GABBR2: variants seen among roughly 807,000 people sequenced by gnomAD.
GABBR2 encodes gamma-aminobutyric acid type B receptor subunit 2, also known as G-protein coupled receptor 51.
Under a neutral mutation model 105.6 loss-of-function variants are expected in GABBR2, and 23 were observed. The observed-to-expected ratio is 0.22, with a 90% CI of 0.16 to 0.31. The LOEUF (loss-of-function observed/expected upper bound fraction) is 0.31, where lower values mean the gene tolerates loss of function less well. Ranked by LOEUF, GABBR2 falls within the 10% of genes least tolerant of loss-of-function variation. The pLI is 1.00. For synonymous variants in GABBR2, 478 were observed against 499.7 expected, an observed-to-expected ratio of 0.96 and a Z score of 0.58; for missense variants, 734 against 1,245.5, an observed-to-expected ratio of 0.59 and a Z score of 6.18.
intron 3 of GABBR2, among the ~76,000 whole-genome samples, chr9:98,529,288 C>G (rs1828019749): frequency 6.6e-6 from 1 of 152,178 alleles, no homozygotes; most frequent in African/African-American, 2.4e-5. Flanking sequence ...GAGGCAAATA[C>G]AATTCAAAAC....
chr9:98,466,997 A>C (rs1240339264), intron 6 of GABBR2, among the ~76,000 whole-genome samples: 4 of 152,132 alleles, frequency 2.6e-5, no homozygotes, highest in Non-Finnish European at 5.9e-5. Flanking sequence ...TCACATCCAC[A>C]TTCCAGTCAA....
Position 98,432,175 on chromosome 9 carries a change from C to T in GABBR2, c.1236+21806G>A, listed in dbSNP as rs185635605. Among the ~76,000 whole-genome samples, 10 of 152,254 alleles carry T rather than the reference C, an allele frequency of 6.6e-5. No individual in the cohort carries two copies. The East Asian group carries it at 1.5e-3, about 24-fold the overall frequency. On this transcript the variant is annotated intron_variant, in intron 7 of 18. Coordinates refer to ENST00000259455, the MANE Select transcript of GABBR2 (RefSeq NM_005458.8). Reference sequence around the variant, plus strand: ...CCTCCCAAAGTGCTAGGATTATAGGCGTGAGTCACTGCACCCGGCTCAAGG... The same window carrying T: ...CCTCCCAAAGTGCTAGGATTATAGGTGTGAGTCACTGCACCCGGCTCAAGG...
chr9:98,535,360 C>T (rs1034758955), intron 3 of GABBR2, among the ~76,000 whole-genome samples: 2 of 151,962 alleles, frequency 1.3e-5, no homozygotes, highest in Admixed American at 1.3e-4. Context: ...CTCAGTCTCC[C>T]AGAGTGCTGG....
chr9:98,581,416 T>C (rs1396217795), intron 1 of GABBR2, among the ~76,000 whole-genome samples: 2 of 151,658 alleles, frequency 1.3e-5, no homozygotes, highest in African/African-American at 4.9e-5. Flanking sequence ...AATTTAAAAT[T>C]TTTAATTTAA....
intron 7 of GABBR2, among the ~76,000 whole-genome samples, chr9:98,428,854 C>T (rs769190303): frequency 6.6e-6 from 1 of 152,164 alleles, no homozygotes; most frequent in African/African-American, 2.4e-5. Context: ...AGAAAGCAGA[C>T]CCAGAGATGG....
intron 7 of GABBR2, among the ~76,000 whole-genome samples, chr9:98,436,347 C>CAATATA (rs1653396477): frequency 3.2e-5 from 1 of 31,618 alleles, no homozygotes; most frequent in African/African-American, 1.8e-4. Context: ...CACACACACA[C>CAATATA]CATATATATA....
chr9:98,469,503 TAA>T (rs1467022064), intron 6 of GABBR2, among the ~76,000 whole-genome samples: 6 of 152,134 alleles, frequency 3.9e-5, no homozygotes, highest in African/African-American at 1.4e-4. Flanking sequence ...CTGGAAGCTC[TAA>T]GAGAGATCCC....
intron 1 of GABBR2, among the ~76,000 whole-genome samples, chr9:98,676,112 G>A (rs1480943991): frequency 2.0e-5 from 3 of 152,358 alleles, no homozygotes; most frequent in Middle Eastern, 3.4e-3. Flanking sequence ...TAGGTTTGAT[G>A]TAATCACAAG....
At chr9:98,325,497 G>A (rs1175561756) in intron 13 of GABBR2, among the ~76,000 whole-genome samples, 1 of 151,914 alleles carries the variant, frequency 6.6e-6, no homozygotes, top group Non-Finnish European at 1.5e-5. Context: ...TCCCCATGTT[G>A]GTCAGGCTGG....
chr9:98,568,569 G>A (rs1362716516), intron 2 of GABBR2, among the ~76,000 whole-genome samples: 1 of 152,152 alleles, frequency 6.6e-6, no homozygotes, highest in African/African-American at 2.4e-5. Context: ...CTGGAGCTGG[G>A]AGATTTGGGG....
chr9:98,530,560 T>TA (rs1246010503), intron 3 of GABBR2, among the ~76,000 whole-genome samples: 3 of 152,166 alleles, frequency 2.0e-5, no homozygotes, highest in Admixed American at 6.5e-5. Context: ...GGAGGGTCAT[T>TA]GGAGCCCAGA....
At position 98,296,839 on chromosome 9, in the gene GABBR2, AT is replaced by A. The variant is rs533848835; in HGVS notation, c.2542+2384del. Among the ~76,000 whole-genome samples the A allele has an allele frequency of 5.9e-3, 904 of 152,006 alleles. 8 individuals are homozygous for A. The highest frequency in any genetic ancestry group is 0.02 in the African/African-American group (835 of 41,460). On this transcript the variant is annotated intron_variant, in intron 17 of 18. Transcript: ENST00000259455. Reference sequence around the variant, plus strand: ...CTGAGTTAATTTTTGGCTTTGTTTGATTTTTTTGACTGTACTTATCATGGCT... The same window carrying A: ...CTGAGTTAATTTTTGGCTTTGTTTGATTTTTTGACTGTACTTATCATGGCT...
intron 13 of GABBR2, among the ~76,000 whole-genome samples, chr9:98,339,144 A>G (rs1303120716): frequency 6.6e-6 from 1 of 152,194 alleles, no homozygotes; most frequent in African/African-American, 2.4e-5. Flanking sequence ...GGGGTGATGG[A>G]TAAAAGAAGG....
chr9:98,440,515 C>A (rs555250223), intron 7 of GABBR2, among the ~76,000 whole-genome samples: 4 of 152,260 alleles, frequency 2.6e-5, no homozygotes, highest in Admixed American at 2.0e-4. Context: ...CCCACTTCCC[C>A]CCTTCTACAA....
Position 98,390,410 on chromosome 9 carries a change from C to T in GABBR2, c.1379-1406G>A, listed in dbSNP as rs1008441375. Among the ~76,000 whole-genome samples the T allele has an allele frequency of 9.2e-5, 12 of 130,660 alleles. 1 individual carries two copies. The South Asian group carries it at 1.8e-3, about 19-fold the overall frequency. The allele number at this position is 130,660 out of a possible 152,430, so 85.7% of individuals were successfully genotyped here. A position where few individuals can be genotyped will look rare whatever the true frequency, so the allele number is the denominator to read the frequency against. On this transcript the variant is annotated intron_variant, in intron 9 of 18. Coordinates refer to ENST00000259455, the MANE Select transcript of GABBR2 (RefSeq NM_005458.8). ...AAAAAAAAAAAAAAAAAATAGAGAG[C>T]GAGAAACATTCAGTGGATTAAAAGA...
At chr9:98,518,457 C>A (rs986454500) in intron 3 of GABBR2, among the ~76,000 whole-genome samples, 5 of 152,224 alleles carry the variant, frequency 3.3e-5, no homozygotes, top group African/African-American at 1.2e-4. Context: ...TTTCGGACTT[C>A]AGCCCTCCTA....
chr9:98,692,510 T>C (rs2131879534), intron 1 of GABBR2, among the ~76,000 whole-genome samples: 1 of 152,342 alleles, frequency 6.6e-6, no homozygotes, highest in East Asian at 1.9e-4. Flanking sequence ...CTCCGGGGCT[T>C]GGCCTAAGGG....
chr9:98,576,689 C>T (rs533248272), intron 2 of GABBR2, among the ~76,000 whole-genome samples: 16 of 152,270 alleles, frequency 1.1e-4, no homozygotes, highest in East Asian at 3.9e-4. Context: ...AAAGAGTTCA[C>T]GCAGAAAAAT....
chr9:98,475,552 A>C (rs544539214), intron 5 of GABBR2, among the ~76,000 whole-genome samples: 1 of 152,214 alleles, frequency 6.6e-6, no homozygotes, highest in Middle Eastern at 3.4e-3. Context: ...TTTATATATT[A>C]TTTTATTCTC....
Sources: allele counts gnomAD v4.1 joint callset (sites outside exome capture counted in the v4.1 genomes callset), GRCh38; gene constraint gnomAD v4.1.1; transcripts MANE v1.5; gene names NCBI Gene and HGNC (gene_info 2026-07-23, HGNC 2026-07-21).